Variants in IL1RAPL1 observed in about 807,000 individuals in gnomAD.
IL1RAPL1 encodes the protein interleukin 1 receptor accessory protein like 1.
In IL1RAPL1, 3 loss-of-function variants were observed where a neutral mutation model predicts 48.4. The observed-to-expected ratio is 0.06, with a 90% CI of 0.03 to 0.16. The LOEUF (loss-of-function observed/expected upper bound fraction) is 0.16, where lower values mean the gene tolerates loss of function less well. Ranked by LOEUF, IL1RAPL1 falls within the 10% of genes least tolerant of loss-of-function variation. IL1RAPL1 has a pLI of 1.00. For missense variants in IL1RAPL1, 349 were observed against 530.6 expected (o/e 0.66, Z 3.36); for synonymous variants, 185 against 187.7 (o/e 0.99, Z 0.12).
intron 2 of IL1RAPL1, among the ~76,000 whole-genome samples, chrX:28,917,833 T>C (rs932933361): frequency 1.8e-5 from 2 of 112,454 alleles, no homozygotes; most frequent in South Asian, 7.2e-4. Flanking sequence ...TACATTCACA[T>C]TGTTATGCAG....
chrX:28,665,801 C>T (rs918249628), intron 1 of IL1RAPL1, among the ~76,000 whole-genome samples: 1 of 112,100 alleles, frequency 8.9e-6, no homozygotes, highest in Non-Finnish European at 1.9e-5. Context: ...ATAAGTGGTA[C>T]TTTATAAGCA....
At chrX:29,358,961 C>A (rs1279561220) in intron 3 of IL1RAPL1, among the ~76,000 whole-genome samples, 6 of 108,682 alleles carry the variant, frequency 5.5e-5, no homozygotes, top group African/African-American at 2.0e-4. Flanking sequence ...GCAGAGGTTG[C>A]AGTGAGCCGA....
chrX:29,916,084 A>G (rs1285701910), intron 6 of IL1RAPL1, among the ~76,000 whole-genome samples: 2 of 99,694 alleles, frequency 2.0e-5, no homozygotes, highest in South Asian at 5.2e-4. Context: ...TGAACTCATC[A>G]TTTTTTATGG....
At chrX:29,712,106 T>C (rs1338880960) in intron 6 of IL1RAPL1, among the ~76,000 whole-genome samples, 1 of 109,807 alleles carries the variant, frequency 9.1e-6, no homozygotes, top group African/African-American at 3.3e-5. Context: ...TTTTTTTTTT[T>C]GTGGTTGTAA....
chrX:29,802,990 T>TATATAC (rs1930029391), intron 6 of IL1RAPL1, among the ~76,000 whole-genome samples: 2 of 78,421 alleles, frequency 2.6e-5, no homozygotes, highest in African/African-American at 1.1e-4. Flanking sequence ...CATGTGTACA[T>TATATAC]ATATATGTAT....
intron 5 of IL1RAPL1, among the ~76,000 whole-genome samples, chrX:29,442,306 G>A (rs1010193675): frequency 3.6e-5 from 4 of 109,693 alleles, no homozygotes; most frequent in African/African-American, 1.3e-4. Context: ...ACATAAAGTG[G>A]GGAAAGGACT....
At chrX:28,835,795 C>A (rs2147288986) in intron 2 of IL1RAPL1, among the ~76,000 whole-genome samples, 1 of 111,169 alleles carries the variant, frequency 9.0e-6, no homozygotes, top group East Asian at 2.8e-4. Flanking sequence ...TATATTATTT[C>A]TTTTATAAAG....
chrX:29,480,497 T>C (rs1602256154), intron 5 of IL1RAPL1, among the ~76,000 whole-genome samples: 1 of 109,875 alleles, frequency 9.1e-6, no homozygotes, highest in East Asian at 2.9e-4. Context: ...ACAATTCCAC[T>C]CATTATATCA....
intron 6 of IL1RAPL1, among the ~76,000 whole-genome samples, chrX:29,749,340 AT>A (rs1438268918): frequency 8.9e-6 from 1 of 112,501 alleles, no homozygotes; most frequent in African/African-American, 3.2e-5. Flanking sequence ...GAACTGAAAC[AT>A]TATATAAACA....
At chrX:29,025,737 G>A (rs1014014068) in intron 2 of IL1RAPL1, among the ~76,000 whole-genome samples, 4 of 111,137 alleles carry the variant, frequency 3.6e-5, no homozygotes, top group African/African-American at 6.5e-5. Flanking sequence ...ACTACACCAC[G>A]GTGCCTAGGA....
intron 6 of IL1RAPL1, among the ~76,000 whole-genome samples, chrX:29,732,785 C>T (rs1483705454): frequency 1.8e-5 from 2 of 111,817 alleles, no homozygotes; most frequent in Admixed American, 9.5e-5. Context: ...AGGATTGGTT[C>T]GTATTTATCT....
At chrX:29,437,100 T>TA (rs1357720330) in intron 5 of IL1RAPL1, among the ~76,000 whole-genome samples, 1 of 111,397 alleles carries the variant, frequency 9.0e-6, no homozygotes, top group Non-Finnish European at 1.9e-5. Flanking sequence ...ATTTAATTTT[T>TA]ATTACTTCCT....
intron 6 of IL1RAPL1, among the ~76,000 whole-genome samples, chrX:29,696,761 C>T (rs1324779732): frequency 1.8e-5 from 2 of 109,923 alleles, no homozygotes; most frequent in Non-Finnish European, 3.8e-5. Flanking sequence ...GACCCTATAT[C>T]TTTTGTAGGC....
intron 6 of IL1RAPL1, among the ~76,000 whole-genome samples, chrX:29,671,120 C>T (rs1486448852): frequency 8.9e-6 from 1 of 112,095 alleles, no homozygotes; most frequent in East Asian, 2.8e-4. Context: ...ACTGTGTGTC[C>T]ATAGATTCTC....
chrX:28,973,008 T>C (rs1448422516), intron 2 of IL1RAPL1, among the ~76,000 whole-genome samples: 3 of 111,822 alleles, frequency 2.7e-5, no homozygotes, highest in Admixed American at 1.9e-4. Flanking sequence ...TTAGTAATTT[T>C]CATTTAGATA....
chrX:29,614,581 A>T (rs149787151), intron 5 of IL1RAPL1, among the ~76,000 whole-genome samples: 8,894 of 111,494 alleles, frequency 0.08, 354 homozygotes, highest in Middle Eastern at 0.18. Flanking sequence ...AAAAAGTCCA[A>T]CACCAGCAAG....
intron 6 of IL1RAPL1, among the ~76,000 whole-genome samples, chrX:29,865,237 A>G (rs1322728822): frequency 8.9e-6 from 1 of 112,282 alleles, no homozygotes; most frequent in African/African-American, 3.2e-5. Context: ...CAAGAATCAC[A>G]GAGAAACAAA....
chrX:28,734,361 T>C (rs1008741664), intron 1 of IL1RAPL1, among the ~76,000 whole-genome samples: 2 of 111,287 alleles, frequency 1.8e-5, no homozygotes, highest in African/African-American at 3.3e-5. Flanking sequence ...TTTCTTCTTA[T>C]GTCATCTACT....
In IL1RAPL1 at chrX:28,850,116, T is replaced by C. The variant is rs1014981879; in HGVS notation, c.82+60691T>C. On this transcript the variant is annotated intron_variant, in intron 2 of 10. Coordinates refer to ENST00000378993, the MANE Select transcript of IL1RAPL1 (RefSeq NM_014271.4). ...AATTTTCTACAGTAATTTTTATTTA[T>C]CCATAAGTATTTGATTTCTGCAAAT... 3.6e-5 allele frequency among the ~76,000 whole-genome samples: 4 copies of C among 112,629 alleles called. 1 individual carries two copies. The highest frequency in any genetic ancestry group is 2.8e-4 in the Admixed American group (3 of 10,638).
Sources: allele counts gnomAD v4.1 joint callset (sites outside exome capture counted in the v4.1 genomes callset), GRCh38; gene constraint gnomAD v4.1.1; transcripts MANE v1.5; gene names NCBI Gene and HGNC (gene_info 2026-07-23, HGNC 2026-07-21).